Variants in ASAH2 observed in about 807,000 individuals in gnomAD.
ASAH2 encodes neutral ceramidase.
In ASAH2, 58 loss-of-function variants were observed where a neutral mutation model predicts 82.9. The ratio of observed to expected loss-of-function variants is 0.70; its 90% CI spans 0.57 to 0.87. The LOEUF (loss-of-function observed/expected upper bound fraction) is 0.87. Among genes scored for constraint, ASAH2 ranks in the 40% least tolerant of loss-of-function variants. The pLI is 0.00. For synonymous variants in ASAH2, 276 were observed against 289.7 expected (o/e 0.95, Z 0.48); for missense variants, 779 against 834.0 (o/e 0.93, Z 0.81).
intron 7 of ASAH2, among the ~76,000 whole-genome samples, chr10:50,225,950 G>A (rs34082169): frequency 0.21 from 31,768 of 151,802 alleles, 4,208 homozygotes; most frequent in East Asian, 0.41. Flanking sequence ...AAAATTAGCC[G>A]GGTGTGGTAG....
At chr10:50,238,251 A>G (rs201332603) in intron 4 of ASAH2, among the ~76,000 whole-genome samples, 51,342 of 151,872 alleles carry the variant, frequency 0.34, 10,621 homozygotes, top group Non-Finnish European at 0.45. Flanking sequence ...AGCAGCTTCT[A>G]TGCTATGTAC....
At chr10:50,243,400 C>T (rs530479598) in intron 3 of ASAH2, 49 bp from the exon 4 acceptor site, 2 of 1,586,780 alleles carry the variant, frequency 1.3e-6, no homozygotes, top group Non-Finnish European at 1.7e-6. Flanking sequence ...TCCCCTGCTA[C>T]TAGAAACCAG....
chr10:50,218,507 C>T lies in ASAH2; in HGVS notation c.1014+3G>A. ...TGAAGCTTTCAATGATATAAATTCT[C>T]ACCTGTCCAGGTAGATATCCTTTGT... is the stretch of plus-strand genomic sequence containing the variant. On this transcript the variant is annotated splice_donor_region_variant and intron_variant, in intron 8 of 20. Transcript: ENST00000682911. The T allele has an allele frequency of 6.2e-7, 1 of 1,613,694 alleles. No homozygotes were observed. Among genetic ancestry groups the T allele is most frequent in the Non-Finnish European group, 8.5e-7 (1 of 1,179,720 alleles).
At chr10:50,210,458 C>T (rs1382178947) in intron 12 of ASAH2, among the ~76,000 whole-genome samples, 1 of 152,042 alleles carries the variant, frequency 6.6e-6, no homozygotes, top group Non-Finnish European at 1.5e-5. Flanking sequence ...TGAGATGGTG[C>T]CACTGTACTC....
At chr10:50,242,302 G>T (rs535459196) in intron 4 of ASAH2, among the ~76,000 whole-genome samples, 2 of 152,228 alleles carry the variant, frequency 1.3e-5, no homozygotes, top group East Asian at 3.9e-4. Flanking sequence ...TCCCCAAGAG[G>T]GAGCAATGTT....
chr10:50,199,153 G>T lies in ASAH2; in HGVS notation c.1762-7C>A. 6.2e-7 allele frequency: 1 copy of T among 1,612,974 alleles called. No individual in the cohort carries two copies. The highest frequency in any genetic ancestry group is 8.5e-7 in the Non-Finnish European group (1 of 1,179,204). Reference sequence around the variant, plus strand: ...CTGCCTCATATCGCTGAGCCTGCAGGAAAGGCAGGGAGAGTTGTATATGGT... The same window carrying T: ...CTGCCTCATATCGCTGAGCCTGCAGTAAAGGCAGGGAGAGTTGTATATGGT... On this transcript the variant is annotated splice_region_variant and splice_polypyrimidine_tract_variant and intron_variant, in intron 16 of 20. Transcript: ENST00000682911.
At chr10:50,239,347 G>A (rs1287307490) in intron 4 of ASAH2, among the ~76,000 whole-genome samples, 1 of 152,102 alleles carries the variant, frequency 6.6e-6, no homozygotes, top group Non-Finnish European at 1.5e-5. Context: ...TTCCCACTGG[G>A]TCTCAGATTG....
At chr10:50,221,703 GATA>G (rs1564842568) in intron 7 of ASAH2, among the ~76,000 whole-genome samples, 514 of 20,426 alleles carry the variant, frequency 0.025, 3 homozygotes, top group Admixed American at 0.045. Context: ...TGGATGGATA[GATA>G]GATAGATAGA....
intron 7 of ASAH2, among the ~76,000 whole-genome samples, chr10:50,232,939 C>G (rs1481023896): frequency 6.6e-6 from 1 of 152,076 alleles, no homozygotes; most frequent in African/African-American, 2.4e-5. Context: ...AGCTCTTCAC[C>G]AAGATCTCTC....
chr10:50,228,235 T>C (rs917704634), intron 7 of ASAH2, among the ~76,000 whole-genome samples: 2 of 151,928 alleles, frequency 1.3e-5, no homozygotes, highest in South Asian at 4.2e-4. Context: ...ATGCTAATGA[T>C]AGAGAAGGCA....
intron 4 of ASAH2, among the ~76,000 whole-genome samples, chr10:50,238,724 A>G (rs1207451996): frequency 2.0e-5 from 3 of 152,172 alleles, no homozygotes; most frequent in African/African-American, 4.8e-5. Context: ...ATTTATTCCT[A>G]AAGAACTGTG....
intron 2 of ASAH2, among the ~76,000 whole-genome samples, chr10:50,246,834 C>T (rs1846470255): frequency 1.3e-5 from 2 of 152,170 alleles, no homozygotes; most frequent in Non-Finnish European, 2.9e-5. Context: ...TGCTTCACTG[C>T]TACCAGCATA....
At chr10:50,209,351 AG>A (rs1441659341) in intron 12 of ASAH2, among the ~76,000 whole-genome samples, 1 of 151,720 alleles carries the variant, frequency 6.6e-6, no homozygotes, top group Admixed American at 6.6e-5. Flanking sequence ...ACAGAATGGA[AG>A]AAAAAAAATT....
intron 10 of ASAH2, among the ~76,000 whole-genome samples, chr10:50,211,463 A>G (rs1374804334): frequency 6.6e-6 from 1 of 152,162 alleles, no homozygotes; most frequent in Non-Finnish European, 1.5e-5. Context: ...TAACTGGACC[A>G]AAATACTTTC....
intron 17 of ASAH2, chr10:50,198,209 A>G (rs1845041949): frequency 1.3e-5 from 2 of 151,890 alleles, no homozygotes; most frequent in African/African-American, 4.8e-5. Flanking sequence ...TTGCTATGCC[A>G]CAATTGTTTC....
intron 7 of ASAH2, among the ~76,000 whole-genome samples, chr10:50,224,027 GC>G (rs1845814942): frequency 6.6e-6 from 1 of 152,142 alleles, no homozygotes; most frequent in Non-Finnish European, 1.5e-5. Flanking sequence ...GTTGTTTTAA[GC>G]CACCTAGTCT....
intron 2 of ASAH2, among the ~76,000 whole-genome samples, chr10:50,247,337 T>A (rs201153114): frequency 3.5e-5 from 5 of 141,186 alleles, no homozygotes; most frequent in Admixed American, 7.1e-5. Flanking sequence ...TTTTTTTTTT[T>A]AATTTTTAGC....
intron 12 of ASAH2, 37 bp from the exon 13 acceptor site, chr10:50,206,134 C>A: frequency 1.4e-6 from 2 of 1,414,504 alleles, no homozygotes. Context: ...CTTCCTTGAA[C>A]CAACCCTCTC....
chr10:50,218,499 T>C lies in ASAH2; in HGVS notation c.1014+11A>G. On this transcript the variant is annotated intron_variant, in intron 8 of 20. Transcript: ENST00000682911. ...AATCAAGATGAAGCTTTCAATGATATAAATTCTCACCTGTCCAGGTAGATA... is the reference window on the plus strand; with the variant it reads ...AATCAAGATGAAGCTTTCAATGATACAAATTCTCACCTGTCCAGGTAGATA... 1.9e-6 allele frequency: 3 copies of C among 1,613,730 alleles called. No individual in the cohort carries two copies. Among genetic ancestry groups the C allele is most frequent in the Non-Finnish European group, 1.7e-6 (2 of 1,179,712 alleles).
Sources: allele counts gnomAD v4.1 joint callset (sites outside exome capture counted in the v4.1 genomes callset), GRCh38; gene constraint gnomAD v4.1.1; transcripts MANE v1.5; gene names NCBI Gene and HGNC (gene_info 2026-07-23, HGNC 2026-07-21).